The following ABCA13 variants were observed in gnomAD, a reference collection of about 807,000 sequenced individuals.
ABCA13 encodes the protein ATP binding cassette subfamily A member 13.
ABCA13 carries 476 observed loss-of-function variants against 478.7 expected under a neutral mutation model. The ratio of observed to expected loss-of-function variants is 0.99; its 90% CI spans 0.92 to 1.07. The LOEUF (loss-of-function observed/expected upper bound fraction) is 1.07. Ranked by LOEUF, ABCA13 falls within the 50% of genes least tolerant of loss-of-function variation. The probability of loss-of-function intolerance (pLI) is 0.00; values close to 1 mark genes in which losing one functional copy is unlikely to be tolerated. For synonymous variants in ABCA13, 2,252 were observed against 2,158.9 expected, an observed-to-expected ratio of 1.04 and a Z score of -1.20; for missense variants, 6,060 against 5,910.6, an observed-to-expected ratio of 1.03 and a Z score of -0.83.
At position 48,389,088 on chromosome 7, in the gene ABCA13, G is replaced by C. The variant is rs749828938; in HGVS notation, c.11522G>C (p.Gly3841Ala). 6.2e-7 allele frequency: 1 copy of C among 1,613,894 alleles called. No homozygotes were observed. The highest frequency in any genetic ancestry group is 8.5e-7 in the Non-Finnish European group (1 of 1,179,838). ...REGELEGSAP[G>A]VTLVSVTKEY... ...GGAGAGCTTGAAGGAAGTGCCCCGG[G>C]AGTCACCCTGGTGTCTGTGACCAAG... The change falls in exon 37 of 62, where the codon GGA (glycine) becomes GCA (alanine). Residue 3841 changes from glycine to alanine, a missense_variant. Gly to Ala is a moderately conservative substitution (Grantham distance 60). Transcript: ENST00000435803.
At chr7:48,442,502 T>C (rs1214373489) in intron 42 of ABCA13, among the ~76,000 whole-genome samples, 1 of 152,216 alleles carries the variant, frequency 6.6e-6, no homozygotes, top group Non-Finnish European at 1.5e-5. Flanking sequence ...TAATAATTTT[T>C]ATTTTTTGAA....
At chr7:48,626,374 G>A (rs1219836765) in intron 59 of ABCA13, among the ~76,000 whole-genome samples, 1 of 152,132 alleles carries the variant, frequency 6.6e-6, no homozygotes, top group Non-Finnish European at 1.5e-5. Context: ...TGCATTAGAG[G>A]TAGTGGCACA....
At chr7:48,519,262 A>C (rs1451720632) in intron 52 of ABCA13, among the ~76,000 whole-genome samples, 2 of 152,196 alleles carry the variant, frequency 1.3e-5, no homozygotes, top group African/African-American at 4.8e-5. Flanking sequence ...TGCAGTGAAC[A>C]TATGTGTGCA....
intron 9 of ABCA13, among the ~76,000 whole-genome samples, chr7:48,239,639 C>T (rs1790513879): frequency 6.6e-6 from 1 of 152,236 alleles, no homozygotes; most frequent in Non-Finnish European, 1.5e-5. Flanking sequence ...CTATCCTAGG[C>T]TTGCACACAC....
chr7:48,522,419 T>G (rs1832611289), intron 53 of ABCA13, among the ~76,000 whole-genome samples: 1 of 152,168 alleles, frequency 6.6e-6, no homozygotes, highest in Non-Finnish European at 1.5e-5. Flanking sequence ...CTGCCTATTT[T>G]GTCTCCTGCC....
At chr7:48,532,743 T>C (rs1833322745) in intron 55 of ABCA13, among the ~76,000 whole-genome samples, 1 of 152,120 alleles carries the variant, frequency 6.6e-6, no homozygotes, top group South Asian at 2.1e-4. Context: ...GGATTATATA[T>C]TTCCAGGAAT....
rs1008121472 is a variant in ABCA13, at chr7:48,374,430, T to A, written c.11203+14T>A. On this transcript the variant is annotated intron_variant, in intron 34 of 61. Transcript: ENST00000435803. ...GACAAGAGACAGGTAAGAGCATGCA[T>A]GTGTAAAAAGTGACTCTCAGTGAAT... 3 of 1,602,174 alleles carry A rather than the reference T, an allele frequency of 1.9e-6. No homozygotes were observed. The highest frequency in any genetic ancestry group is 8.5e-7 in the Non-Finnish European group (1 of 1,174,254).
chr7:48,286,793 G>T (rs1247876302), intron 19 of ABCA13, among the ~76,000 whole-genome samples: 1 of 152,108 alleles, frequency 6.6e-6, no homozygotes, highest in Admixed American at 6.5e-5. Context: ...GTGAGCCACC[G>T]TGCCTGGCTC....
chr7:48,438,400 G>A (rs1369345136), intron 42 of ABCA13, among the ~76,000 whole-genome samples: 1 of 151,984 alleles, frequency 6.6e-6, no homozygotes, highest in Non-Finnish European at 1.5e-5. Context: ...GTCTGTAGTT[G>A]TTTATTTAGT....
chr7:48,541,556 C>A (rs533262815), intron 55 of ABCA13, among the ~76,000 whole-genome samples: 64 of 152,000 alleles, frequency 4.2e-4, no homozygotes, highest in Non-Finnish European at 6.3e-4. Context: ...AAGTGGCTTG[C>A]CGGAAGTCAA....
At chr7:48,559,945 TC>T (rs1028429163) in intron 55 of ABCA13, among the ~76,000 whole-genome samples, 1 of 151,964 alleles carries the variant, frequency 6.6e-6, no homozygotes, top group Non-Finnish European at 1.5e-5. Context: ...AAGGAAGGAG[TC>T]ACTTTCATTG....
At chr7:48,198,018 C>T (rs528024479) in intron 2 of ABCA13, among the ~76,000 whole-genome samples, 1 of 152,186 alleles carries the variant, frequency 6.6e-6, no homozygotes, top group Non-Finnish European at 1.5e-5. Flanking sequence ...GCCATTCTGC[C>T]TTGAAACATG....
chr7:48,313,264 T>C (rs766092589), intron 25 of ABCA13, 33 bp downstream of exon 25: 1 of 1,571,918 alleles, frequency 6.4e-7, no homozygotes, highest in South Asian at 1.2e-5. Context: ...TAGGGAAATA[T>C]TCAAATTTGC....
At chr7:48,450,867 A>T (rs1246694892) in intron 42 of ABCA13, among the ~76,000 whole-genome samples, 4 of 151,982 alleles carry the variant, frequency 2.6e-5, no homozygotes, top group Non-Finnish European at 4.4e-5. Flanking sequence ...TACCTATACT[A>T]TTACCTTAAG....
chr7:48,581,946 A>G (rs913517274), intron 56 of ABCA13, among the ~76,000 whole-genome samples: 2 of 152,368 alleles, frequency 1.3e-5, no homozygotes, highest in Admixed American at 6.5e-5. Flanking sequence ...GGTGCTTATC[A>G]CAAGATGTCC....
chr7:48,502,341 A>C lies in ABCA13; in HGVS notation c.13292-3995A>C, dbSNP rs77444161. Among the ~76,000 whole-genome samples, 176 of 152,382 alleles carry C rather than the reference A, an allele frequency of 1.2e-3. 3 individuals are homozygous for C. In the East Asian group the frequency reaches 0.032, roughly 27 times the overall value. On this transcript the variant is annotated intron_variant, in intron 48 of 61. Coordinates refer to ENST00000435803, the MANE Select transcript of ABCA13 (RefSeq NM_152701.5). ...ATTCATAACAGAAGAACTAGGATAC[A>C]GAAAGCAAATATGAGAACACTGTTT...
chr7:48,493,874 C>T (rs1830046778), intron 48 of ABCA13, among the ~76,000 whole-genome samples: 2 of 152,162 alleles, frequency 1.3e-5, no homozygotes, highest in Non-Finnish European at 1.5e-5. Context: ...TTGAGAACCA[C>T]TGGGTTAAAC....
chr7:48,270,226 T>C (rs1422561057), intron 16 of ABCA13, among the ~76,000 whole-genome samples: 1 of 152,144 alleles, frequency 6.6e-6, no homozygotes, highest in East Asian at 1.9e-4. Context: ...TGCCACATAA[T>C]AACAGCTTGA....
chr7:48,587,293 G>T lies in ABCA13; in HGVS notation c.14640+5G>T, dbSNP rs746070941. On this transcript the variant is annotated splice_donor_5th_base_variant and intron_variant, in intron 57 of 61. Transcript: ENST00000435803. ...AAACCTGACATTCTTTTATTGGTGA[G>T]TAGAAGAATGTCAATATCTTGGAGT... 24 of 1,596,960 alleles carry T rather than the reference G, an allele frequency of 1.5e-5. No homozygotes were observed. In the South Asian group the frequency reaches 2.6e-4, roughly 17 times the overall value.
Sources: allele counts gnomAD v4.1 joint callset (sites outside exome capture counted in the v4.1 genomes callset), GRCh38; gene constraint gnomAD v4.1.1; transcripts MANE v1.5; gene names NCBI Gene and HGNC (gene_info 2026-07-23, HGNC 2026-07-21).